KIAA1217: variants seen among roughly 807,000 people sequenced by gnomAD.
The protein encoded by KIAA1217 is sickle tail protein homolog.
In KIAA1217, 88 loss-of-function variants were observed where a neutral mutation model predicts 163.9. That is an observed-to-expected ratio of 0.54 (90% CI 0.45 to 0.64). The LOEUF (loss-of-function observed/expected upper bound fraction) is 0.64. Among genes scored for constraint, KIAA1217 ranks in the 30% least tolerant of loss-of-function variants. KIAA1217 has a pLI of 0.00. For missense variants in KIAA1217, 2,372 were observed against 2,475.0 expected, an observed-to-expected ratio of 0.96 and a Z score of 0.88; for synonymous variants, 903 against 923.1, an observed-to-expected ratio of 0.98 and a Z score of 0.39.
At position 23,726,361 on chromosome 10, in the gene KIAA1217, A is replaced by G. The variant is rs190362182; in HGVS notation, c.-321+31127A>G. Among the ~76,000 whole-genome samples the G allele has an allele frequency of 1.2e-4, 18 of 147,818 alleles. No individual in the cohort carries two copies. The East Asian group carries it at 3.0e-3, about 24-fold the overall frequency. ...ATTTGAAACTTCAGATTACATGTTT[A>G]TTTTATTTATTTTATTTTTTATTAT... On this transcript the variant is annotated intron_variant, in intron 1 of 18. Coordinates refer to the KIAA1217 transcript ENST00000376462.
chr10:24,161,004 G>A (rs550796739), intron 2 of KIAA1217, among the ~76,000 whole-genome samples: 28 of 152,248 alleles, frequency 1.8e-4, no homozygotes, highest in African/African-American at 6.7e-4. Flanking sequence ...TTCTGTGAGT[G>A]CTTGACTTTT....
chr10:23,741,501 C>A (rs1415246356), intron 1 of KIAA1217, among the ~76,000 whole-genome samples: 1 of 152,174 alleles, frequency 6.6e-6, no homozygotes, highest in Non-Finnish European at 1.5e-5. Context: ...AAAGAGACTA[C>A]AAGTAGTTCA....
At chr10:24,530,197 C>G (rs1258015998) in intron 14 of KIAA1217, among the ~76,000 whole-genome samples, 1 of 152,178 alleles carries the variant, frequency 6.6e-6, no homozygotes, top group African/African-American at 2.4e-5. Flanking sequence ...TGTTCCTTCT[C>G]ATGATTGAAC....
intron 19 of KIAA1217, 63 bp from the exon 20 acceptor site, chr10:24,544,918 C>T: frequency 1.3e-6 from 2 of 1,571,104 alleles, no homozygotes; most frequent in Non-Finnish European, 1.7e-6. Context: ...GTGGGGCAGC[C>T]TCACAGATGA....
chr10:23,801,696 G>T (rs1170456820), intron 1 of KIAA1217, among the ~76,000 whole-genome samples: 5 of 152,110 alleles, frequency 3.3e-5, no homozygotes, highest in African/African-American at 1.2e-4. Context: ...GACACCCCAG[G>T]TGTAGATACT....
chr10:23,849,867 G>A (rs1009623925), intron 1 of KIAA1217, among the ~76,000 whole-genome samples: 18 of 151,868 alleles, frequency 1.2e-4, no homozygotes, highest in Middle Eastern at 3.2e-3. Flanking sequence ...ACCTTCCTCT[G>A]TCCTTCTAAG....
At chr10:24,264,510 G>GA (rs1366742417) in intron 2 of KIAA1217, among the ~76,000 whole-genome samples, 2 of 151,950 alleles carry the variant, frequency 1.3e-5, no homozygotes, top group Non-Finnish European at 2.9e-5. Flanking sequence ...AAAAAGAAAA[G>GA]AAAAAATACA....
intron 5 of KIAA1217, among the ~76,000 whole-genome samples, chr10:24,471,368 A>G (rs540287459): frequency 1.2e-4 from 19 of 152,064 alleles, no homozygotes; most frequent in African/African-American, 4.3e-4. Flanking sequence ...GAATGGATGG[A>G]GCCTGTCTCT....
intron 1 of KIAA1217, among the ~76,000 whole-genome samples, chr10:23,739,289 G>T (rs189282271): frequency 2.8e-5 from 4 of 142,492 alleles, no homozygotes; most frequent in South Asian, 2.1e-4. Context: ...TACAATGCAT[G>T]TTATTTTGGG....
intron 2 of KIAA1217, chr10:24,158,092 T>C (rs768252841): frequency 1.3e-6 from 1 of 755,530 alleles, no homozygotes; most frequent in Non-Finnish European, 2.5e-6. Flanking sequence ...AAAGTGGCGC[T>C]CCACAAGTTA....
intron 1 of KIAA1217, among the ~76,000 whole-genome samples, chr10:23,951,266 C>T (rs1844323426): frequency 1.3e-5 from 2 of 152,068 alleles, no homozygotes; most frequent in South Asian, 2.1e-4. Context: ...AGGCTGAAGG[C>T]TAGGAGGAAG....
chr10:23,868,275 G>A (rs947560623), intron 1 of KIAA1217, among the ~76,000 whole-genome samples: 3 of 152,090 alleles, frequency 2.0e-5, no homozygotes, highest in Non-Finnish European at 4.4e-5. Context: ...CAGCCCAGAT[G>A]TACGGTTACT....
At chr10:24,331,791 G>A (rs879294597) in intron 2 of KIAA1217, among the ~76,000 whole-genome samples, 2 of 152,156 alleles carry the variant, frequency 1.3e-5, no homozygotes, top group Non-Finnish European at 2.9e-5. Context: ...AGGTAGAGGA[G>A]GGAGTTGGTT....
chr10:24,043,647 T>C (rs969269041), intron 2 of KIAA1217, among the ~76,000 whole-genome samples: 1 of 152,128 alleles, frequency 6.6e-6, no homozygotes, highest in Non-Finnish European at 1.5e-5. Context: ...TTTGGCTGCA[T>C]GAAAGAAAAA....
intron 2 of KIAA1217, among the ~76,000 whole-genome samples, chr10:24,185,147 G>C (rs2066362431): frequency 6.6e-6 from 1 of 152,106 alleles, no homozygotes; most frequent in African/African-American, 2.4e-5. Flanking sequence ...CTTTGCTAAA[G>C]AGGGAACTCT....
At chr10:23,838,414 C>G (rs925854749) in intron 1 of KIAA1217, among the ~76,000 whole-genome samples, 3 of 151,878 alleles carry the variant, frequency 2.0e-5, no homozygotes, top group African/African-American at 7.2e-5. Context: ...AATGACACTT[C>G]ATGGCTAGGG....
At chr10:23,950,636 T>A (rs1378225267) in intron 1 of KIAA1217, among the ~76,000 whole-genome samples, 1 of 152,136 alleles carries the variant, frequency 6.6e-6, no homozygotes, top group Non-Finnish European at 1.5e-5. Context: ...AAGTTGGAGA[T>A]GTATAGGTAA....
At chr10:24,401,897 T>C (rs997003065) in intron 3 of KIAA1217, among the ~76,000 whole-genome samples, 6 of 152,212 alleles carry the variant, frequency 3.9e-5, no homozygotes, top group Non-Finnish European at 5.9e-5. Flanking sequence ...TGCATTTCTA[T>C]ATACTAAGAA....
At chr10:23,947,629 G>A (rs1844117477) in intron 1 of KIAA1217, among the ~76,000 whole-genome samples, 3 of 152,160 alleles carry the variant, frequency 2.0e-5, no homozygotes, top group Admixed American at 2.0e-4. Context: ...CTGCAGTAGT[G>A]TTAAAATTAT....
Sources: gnomAD v4.1 joint callset for allele counts (sites outside exome capture counted in the v4.1 genomes callset) on GRCh38, gnomAD v4.1.1 for gene constraint, MANE v1.5 for transcripts, NCBI Gene and HGNC (gene_info 2026-07-23, HGNC 2026-07-21) for gene names.